ASCC3: variants seen among roughly 807,000 people sequenced by gnomAD.
ASCC3 encodes ASC-1 complex subunit P200.
Under a neutral mutation model 256.3 loss-of-function variants are expected in ASCC3, and 158 were observed. That is an observed-to-expected ratio of 0.62 (90% CI 0.54 to 0.70). The LOEUF is 0.70. Among genes scored for constraint, ASCC3 ranks in the 30% least tolerant of loss-of-function variants. The pLI is 0.00. For missense variants in ASCC3, 2,259 were observed against 2,626.0 expected (o/e 0.86, Z 3.05); for synonymous variants, 948 against 883.4 (o/e 1.07, Z -1.30).
chr6:100,589,507 G>T (rs1454900859), intron 36 of ASCC3, 127 bp downstream of exon 36: 19 of 1,094,110 alleles, frequency 1.7e-5, no homozygotes, highest in Non-Finnish European at 2.5e-5. Context: ...GTGTTGCTTT[G>T]TAGTGACCTT....
chr6:100,833,903 C>T (rs1771749485), intron 4 of ASCC3, among the ~76,000 whole-genome samples: 1 of 152,038 alleles, frequency 6.6e-6, no homozygotes, highest in Non-Finnish European at 1.5e-5. Context: ...CATGTCAAAA[C>T]CCCATCTTTA....
chr6:100,844,241 T>C (rs1356261790), intron 4 of ASCC3, among the ~76,000 whole-genome samples: 1 of 150,898 alleles, frequency 6.6e-6, no homozygotes, highest in Non-Finnish European at 1.5e-5. Context: ...TTTGTGACTT[T>C]AGTAAACAAC....
At chr6:100,778,109 A>AC (rs1311920777) in intron 8 of ASCC3, among the ~76,000 whole-genome samples, 2 of 151,586 alleles carry the variant, frequency 1.3e-5, no homozygotes, top group Non-Finnish European at 2.9e-5. Flanking sequence ...GGTGGAAAAA[A>AC]AAAAAGAGAG....
In ASCC3 at chr6:100,800,480, T is replaced by A; in HGVS notation, c.947A>T (p.Glu316Val). The A allele has an allele frequency of 6.2e-7, 1 of 1,610,890 alleles. No homozygotes were observed. The highest frequency in any genetic ancestry group is 8.5e-7 in the Non-Finnish European group (1 of 1,178,510). ...LQDNCKKILG[E>V]NAKPNYGCQV... ...ACAACCATAATTGGGTTTAGCATTT[T>A]CTCCTAAAATTTTTTTACAATTGTC... is the stretch of plus-strand genomic sequence containing the variant. Residue 316 changes from glutamate to valine, a missense_variant, in exon 6 of 42, where the codon GAA (glutamate) becomes GTA (valine). This residue lies in a region of ASCC3 where 420 missense variants were observed against 419.3 expected (regional missense o/e 1.00). Coordinates refer to ENST00000369162, the MANE Select transcript of ASCC3 (RefSeq NM_006828.4).
intron 30 of ASCC3, among the ~76,000 whole-genome samples, chr6:100,620,267 A>C (rs1022034854): frequency 3.9e-5 from 6 of 152,146 alleles, no homozygotes; most frequent in Admixed American, 1.3e-4. Flanking sequence ...AAGTAGCAAA[A>C]TCCAGGTCAC....
At chr6:100,812,886 C>T (rs1458312790) in intron 4 of ASCC3, among the ~76,000 whole-genome samples, 1 of 151,834 alleles carries the variant, frequency 6.6e-6, no homozygotes, top group Non-Finnish European at 1.5e-5. Context: ...GCTATGATCA[C>T]ACCACTGCTC....
At chr6:100,624,054 CATGT>C in intron 30 of ASCC3, among the ~76,000 whole-genome samples, 1 of 151,240 alleles carries the variant, frequency 6.6e-6, no homozygotes, top group Non-Finnish European at 1.5e-5. Context: ...CAACATGGCA[CATGT>C]ATACATATGT....
At position 100,512,815 on chromosome 6, in the gene ASCC3, G is replaced by C. The variant is rs902359068; in HGVS notation, c.6179C>G (p.Thr2060Ser). Residue 2060 changes from threonine to serine, a missense_variant, in exon 40 of 42, where the codon ACT (threonine) becomes AGT (serine). Physicochemically the swap from Thr to Ser is moderately conservative, Grantham distance 58. This residue lies in a region of ASCC3 where 1,839 missense variants were observed against 2,206.7 expected (regional missense o/e 0.83). Coordinates refer to ENST00000369162, the MANE Select transcript of ASCC3 (RefSeq NM_006828.4). ...GTCATCTCGTTTGTCTGCAGTCAGA[G>C]TTGAGACAGAGAGTTCATTATGTCC... ...VEGHNELSVS[T>S]LTADKRDDNK... 6.2e-7 allele frequency: 1 copy of C among 1,614,108 alleles called. No individual in the cohort carries two copies. Among genetic ancestry groups the C allele is most frequent in the Admixed American group, 1.7e-5 (1 of 60,018 alleles).
In ASCC3 at chr6:100,800,621, T is replaced by TAA. The variant is rs1449289085; in HGVS notation, c.923-119_923-118dup. 10 of 778,476 alleles carry TAA rather than the reference T, an allele frequency of 1.3e-5. No individual in the cohort carries two copies. In the East Asian group the frequency reaches 2.2e-4, roughly 17 times the overall value. The allele number at this position is 778,476 out of a possible 1,614,324, so 48.2% of individuals were successfully genotyped here. A position where few individuals can be genotyped will look rare whatever the true frequency, so the allele number is the denominator to read the frequency against. On this transcript the variant is annotated intron_variant, in intron 5 of 41. Transcript: ENST00000369162. Reference sequence around the variant, plus strand: ...TATAATGCTCTTACAATTCATTTTTTAAAGCTGGCAAATTCAATTATATGT... The same window carrying TAA: ...TATAATGCTCTTACAATTCATTTTTTAAAAAGCTGGCAAATTCAATTATATGT...
At chr6:100,814,366 A>C (rs1290385332) in intron 4 of ASCC3, among the ~76,000 whole-genome samples, 1 of 152,024 alleles carries the variant, frequency 6.6e-6, no homozygotes, top group African/African-American at 2.4e-5. Flanking sequence ...GAATTTTTGC[A>C]ATGTTTATCA....
chr6:100,757,004 A>G (rs1781210797), intron 10 of ASCC3, among the ~76,000 whole-genome samples: 1 of 152,194 alleles, frequency 6.6e-6, no homozygotes, highest in African/African-American at 2.4e-5. Flanking sequence ...GAGAGACATA[A>G]TAAAGGTGTT....
intron 38 of ASCC3, among the ~76,000 whole-genome samples, chr6:100,517,261 C>T (rs1341187689): frequency 1.3e-5 from 2 of 152,110 alleles, no homozygotes; most frequent in African/African-American, 2.4e-5. Context: ...AAATAACTGC[C>T]ACCCCTCATC....
chr6:100,563,051 C>A (rs1248454966), intron 36 of ASCC3, among the ~76,000 whole-genome samples: 2 of 151,670 alleles, frequency 1.3e-5, no homozygotes, highest in Non-Finnish European at 2.9e-5. Context: ...TAAGTTGTTA[C>A]CAAATGCCTT....
At chr6:100,844,375 A>G (rs568774024) in intron 4 of ASCC3, among the ~76,000 whole-genome samples, 3 of 151,788 alleles carry the variant, frequency 2.0e-5, no homozygotes, top group Non-Finnish European at 4.4e-5. Context: ...AGGCACTTAA[A>G]ACCTGGTAGC....
At position 100,512,849 on chromosome 6, in the gene ASCC3, A is replaced by G; in HGVS notation, c.6145T>C (p.Leu2049=). The G allele has an allele frequency of 6.2e-7, 1 of 1,614,132 alleles. No homozygotes were observed. The highest frequency in any genetic ancestry group is 8.5e-7 in the Non-Finnish European group (1 of 1,179,994). Residue 2049 remains leucine (L), a synonymous_variant, in exon 40 of 42, where the codon TTA becomes CTA. Coordinates refer to ENST00000369162, the MANE Select transcript of ASCC3 (RefSeq NM_006828.4). ...GAGAGTTCATTATGTCCTTCAACTA[A>G]GTCATCCCACGAGCCTTTAACACTT... ...GISVKGSWDD[L]VEGHNELSVS... is the part of the protein sequence containing the mutation.
At chr6:100,653,569 C>G (rs1484160604) in intron 17 of ASCC3, among the ~76,000 whole-genome samples, 1 of 151,388 alleles carries the variant, frequency 6.6e-6, no homozygotes, top group Non-Finnish European at 1.5e-5. Context: ...ACCCAGGAGA[C>G]AGAGGTTGCA....
chr6:100,728,801 A>G (rs1779759304), intron 10 of ASCC3, among the ~76,000 whole-genome samples: 2 of 152,098 alleles, frequency 1.3e-5, no homozygotes, highest in Admixed American at 1.3e-4. Context: ...CAAAAATGAA[A>G]GCATCCATAG....
At chr6:100,557,442 T>G (rs1171865343) in intron 36 of ASCC3, among the ~76,000 whole-genome samples, 1 of 152,180 alleles carries the variant, frequency 6.6e-6, no homozygotes, top group Non-Finnish European at 1.5e-5. Flanking sequence ...AGTATGGATA[T>G]GTTTATAATT....
chr6:100,714,629 A>G (rs1219501040), intron 13 of ASCC3, among the ~76,000 whole-genome samples: 1 of 151,872 alleles, frequency 6.6e-6, no homozygotes, highest in Non-Finnish European at 1.5e-5. Flanking sequence ...ATTAAGAACT[A>G]GAAAAGGTTA....
Sources: gnomAD v4.1 joint callset for allele counts (sites outside exome capture counted in the v4.1 genomes callset) on GRCh38, gnomAD v4.1.1 for gene constraint, gnomAD v4.1.1 regional missense constraint, MANE v1.5 for transcripts, NCBI Gene and HGNC (gene_info 2026-07-23, HGNC 2026-07-21) for gene names.